The following TRIQK variants were observed in gnomAD, a reference collection of about 807,000 sequenced individuals.
The protein encoded by TRIQK is triple QxxK/R motif containing, also known as triple QxxK/R motif-containing protein.
A neutral mutation model predicts 10.8 loss-of-function variants in TRIQK; 10 were observed. The ratio of observed to expected loss-of-function variants is 0.92; its 90% CI spans 0.57 to 1.57. TRIQK has a LOEUF of 1.57. TRIQK is among the 40% of genes most tolerant of loss of function. The pLI is 0.00. For missense variants in TRIQK, 107 were observed against 97.7 expected, an observed-to-expected ratio of 1.09 and a Z score of -0.40; for synonymous variants, 33 against 33.7, an observed-to-expected ratio of 0.98 and a Z score of 0.07.
At chr8:93,016,581 C>T (rs965224115) in intron 1 of TRIQK, among the ~76,000 whole-genome samples, 5 of 152,140 alleles carry the variant, frequency 3.3e-5, no homozygotes, top group Non-Finnish European at 1.5e-5. Flanking sequence ...ATGTATAAAA[C>T]CTTTTTAAAT....
chr8:93,000,709 T>C (rs1813201551), intron 1 of TRIQK, among the ~76,000 whole-genome samples: 1 of 152,040 alleles, frequency 6.6e-6, no homozygotes, highest in South Asian at 2.1e-4. Flanking sequence ...GTCTAGAGTA[T>C]TTATATGCAA....
chr8:92,914,967 C>T (rs760940164), intron 3 of TRIQK, among the ~76,000 whole-genome samples: 3 of 152,074 alleles, frequency 2.0e-5, no homozygotes, highest in Non-Finnish European at 4.4e-5. Context: ...CCTAAGTGTC[C>T]ACAGACAGAT....
intron 1 of TRIQK, among the ~76,000 whole-genome samples, chr8:92,964,102 C>A (rs1812604380): frequency 6.6e-6 from 1 of 151,716 alleles, no homozygotes; most frequent in Admixed American, 6.6e-5. Context: ...CAAAAAAGTA[C>A]AATGGGAAAG....
intron 3 of TRIQK, among the ~76,000 whole-genome samples, chr8:92,895,121 A>G (rs1355658736): frequency 1.3e-5 from 2 of 152,312 alleles, no homozygotes; most frequent in East Asian, 3.9e-4. Context: ...ATACAAAGAT[A>G]AATTCAGTTT....
chr8:92,962,158 ATCTGTTTAATAGG>A (rs1306658042), intron 1 of TRIQK, among the ~76,000 whole-genome samples: 2 of 152,212 alleles, frequency 1.3e-5, no homozygotes, highest in Admixed American at 6.5e-5. Context: ...CATGATCCTT[ATCTGTTTAATAGG>A]AAATTTGAGA....
At position 92,886,636 on chromosome 8, in the gene TRIQK, G is replaced by T; in HGVS notation, c.247C>A (p.Gln83Lys). 1 of 1,519,840 alleles carries T rather than the reference G, an allele frequency of 6.6e-7. No individual in the cohort carries two copies. The highest frequency in any genetic ancestry group is 8.8e-7 in the Non-Finnish European group (1 of 1,136,942). 94.1% of individuals were successfully genotyped at this position (1,519,840 alleles called of 1,614,324 possible). A position where few individuals can be genotyped will look rare whatever the true frequency, so the allele number is the denominator to read the frequency against. Reference sequence around the variant, plus strand: ...TTGTTGCTTAGCTAATCTTCATCTTGGTCCAGATCAGGGTCAACATCCGTG... The same window carrying T: ...TTGTTGCTTAGCTAATCTTCATCTTTGTCCAGATCAGGGTCAACATCCGTG... Reference protein sequence around the residue: ...LTTDVDPDLDQDED With the variant: ...LTTDVDPDLDKDED The change falls in exon 5 of 5, where the codon CAA becomes AAA. Residue 83 changes from glutamine (Q) to lysine (K), a missense_variant. Coordinates refer to ENST00000521988, the MANE Select transcript of TRIQK (RefSeq NM_001171797.2).
chr8:92,972,396 T>C (rs1586518705), intron 1 of TRIQK, among the ~76,000 whole-genome samples: 1 of 152,368 alleles, frequency 6.6e-6, no homozygotes, highest in East Asian at 1.9e-4. Context: ...AGTTTGTGCT[T>C]CTAATGGTTC....
At chr8:92,931,664 G>A (rs1162137945) in intron 2 of TRIQK, among the ~76,000 whole-genome samples, 1 of 152,128 alleles carries the variant, frequency 6.6e-6, no homozygotes, top group Non-Finnish European at 1.5e-5. Flanking sequence ...TGTGATAAAG[G>A]AATATCCTGT....
At chr8:92,994,370 C>G (rs1813129545) in intron 1 of TRIQK, among the ~76,000 whole-genome samples, 1 of 151,224 alleles carries the variant, frequency 6.6e-6, no homozygotes, top group Non-Finnish European at 1.5e-5. Flanking sequence ...TAGTGTCTAT[C>G]TGCTTACTCC....
chr8:92,930,284 G>A (rs987254727), intron 2 of TRIQK, among the ~76,000 whole-genome samples: 1 of 148,908 alleles, frequency 6.7e-6, no homozygotes, highest in Non-Finnish European at 1.5e-5. Context: ...CAGTCACTCA[G>A]GAGGCTGAGG....
At chr8:92,980,330 T>C (rs972182014) in intron 1 of TRIQK, among the ~76,000 whole-genome samples, 6 of 152,066 alleles carry the variant, frequency 3.9e-5, no homozygotes, top group Non-Finnish European at 7.4e-5. Context: ...GTTAATACTT[T>C]ATGTTTTTGC....
intron 1 of TRIQK, among the ~76,000 whole-genome samples, chr8:92,984,513 A>C (rs776962318): frequency 1.3e-5 from 2 of 152,214 alleles, no homozygotes; most frequent in Non-Finnish European, 2.9e-5. Flanking sequence ...AAAAGAAAGC[A>C]TAATATAGGT....
upstream of TRIQK, among the ~76,000 whole-genome samples, chr8:92,967,849 T>A (rs1812819202): frequency 1.3e-5 from 2 of 150,776 alleles, no homozygotes; most frequent in East Asian, 3.9e-4. Context: ...AAAATTAGTT[T>A]TAGACTAAAA....
intron 3 of TRIQK, among the ~76,000 whole-genome samples, chr8:92,901,909 A>T (rs1808960930): frequency 6.6e-6 from 1 of 151,898 alleles, no homozygotes; most frequent in East Asian, 1.9e-4. Flanking sequence ...TATGGATTTG[A>T]TCTCATTGTT....
intron 1 of TRIQK, among the ~76,000 whole-genome samples, chr8:92,959,522 CAA>C (rs1812342690): frequency 7.3e-6 from 1 of 136,818 alleles, no homozygotes; most frequent in South Asian, 2.4e-4. Context: ...CACACACACA[CAA>C]AATGGCTTTT....
intron 1 of TRIQK, among the ~76,000 whole-genome samples, chr8:92,985,121 C>G (rs1170628866): frequency 6.8e-6 from 1 of 148,030 alleles, no homozygotes. Flanking sequence ...GTTTCAAAGT[C>G]AAATGACACT....
rs539866375 is a variant in TRIQK, at chr8:92,931,844, T to C, written c.-21-14834A>G. On this transcript the variant is annotated intron_variant, in intron 2 of 4. Transcript: ENST00000521988. ...CACAAGGACAGTTTACCATACACCA[T>C]AGCTCAGTTAGTTTTATCACCCATA... Among the ~76,000 whole-genome samples, 25 of 152,250 alleles carry C rather than the reference T, an allele frequency of 1.6e-4. No individual in the cohort carries two copies. The South Asian group carries it at 5.2e-3, about 32-fold the overall frequency.
At chr8:92,979,871 G>A (rs1812968960) in intron 1 of TRIQK, among the ~76,000 whole-genome samples, 1 of 152,050 alleles carries the variant, frequency 6.6e-6, no homozygotes, top group Admixed American at 6.6e-5. Context: ...TTGAAGTCAT[G>A]TAGCAATAAT....
chr8:92,963,370 A>G (rs1028674065), intron 1 of TRIQK: 1 of 152,132 alleles, frequency 6.6e-6, no homozygotes, highest in African/African-American at 2.4e-5. Context: ...ACAGATTTCT[A>G]TATGAATATA....
Sources: gnomAD v4.1 joint callset for allele counts (sites outside exome capture counted in the v4.1 genomes callset) on GRCh38, gnomAD v4.1.1 for gene constraint, MANE v1.5 for transcripts, NCBI Gene and HGNC (gene_info 2026-07-23, HGNC 2026-07-21) for gene names.